RUFY1: variants seen among roughly 807,000 people sequenced by gnomAD.
RUFY1 encodes RUN and FYVE domain-containing protein 1.
A neutral mutation model predicts 94.6 loss-of-function variants in RUFY1; 54 were observed. The ratio of observed to expected loss-of-function variants is 0.57; its 90% CI spans 0.46 to 0.72. The LOEUF is 0.72. Among genes scored for constraint, RUFY1 ranks in the 30% least tolerant of loss-of-function variants. The pLI is 0.00. For synonymous variants in RUFY1, 396 were observed against 347.3 expected (o/e 1.14, Z -1.56); for missense variants, 883 against 883.9 (o/e 1.00, Z 0.01).
At chr5:179,574,981 A>G (rs1660803787) in intron 5 of RUFY1, among the ~76,000 whole-genome samples, 1 of 151,804 alleles carries the variant, frequency 6.6e-6, no homozygotes, top group Admixed American at 6.6e-5. Flanking sequence ...AAGTTAGGCA[A>G]TACCAAAGTA....
At chr5:179,566,121 G>A (rs1265993412) in intron 3 of RUFY1, among the ~76,000 whole-genome samples, 4 of 151,808 alleles carry the variant, frequency 2.6e-5, no homozygotes, top group Non-Finnish European at 5.9e-5. Context: ...ATGGGCGACT[G>A]AGCAAGACCC....
chr5:179,589,713 G>A, intron 9 of RUFY1, 66 bp downstream of exon 9: 1 of 1,220,584 alleles, frequency 8.2e-7, no homozygotes, highest in Non-Finnish European at 1.2e-6. Flanking sequence ...TCAATCTCAA[G>A]CTCATGGCTT....
intron 17 of RUFY1, chr5:179,608,560 ACT>A (rs1767352792): frequency 1.0e-6 from 1 of 985,282 alleles, no homozygotes; most frequent in East Asian, 1.1e-4. Context: ...AACGAACCAG[ACT>A]CTTCCTGTAA....
chr5:179,557,500 C>T (rs376811338), intron 1 of RUFY1, among the ~76,000 whole-genome samples: 6 of 152,140 alleles, frequency 3.9e-5, no homozygotes, highest in African/African-American at 1.4e-4. Context: ...TTGTTTAACC[C>T]AGAATACTCA....
Position 179,609,838 on chromosome 5 carries a change from C to T in RUFY1, c.*319C>T. On this transcript the variant is annotated 3_prime_UTR_variant, in exon 18 of 18. Coordinates refer to ENST00000319449, the MANE Select transcript of RUFY1 (RefSeq NM_025158.5). ...TAACCTATTTTACAGCAGTTCAGTT[C>T]TGCTAGTGAGTAGTTTTCCTCTCCT... is the stretch of plus-strand genomic sequence containing the variant. The T allele has an allele frequency of 8.5e-6, 2 of 234,118 alleles. No homozygotes were observed. Among genetic ancestry groups the T allele is most frequent in the South Asian group, 1.9e-4 (2 of 10,338 alleles). 14.5% of individuals were successfully genotyped at this position (234,118 alleles called of 1,614,324 possible). A position where few individuals can be genotyped will look rare whatever the true frequency, so the allele number is the denominator to read the frequency against.
rs1472225002 is a variant in RUFY1 at position 179,609,359 on chromosome 5, T to G, written c.1984-17T>G. On this transcript the variant is annotated splice_polypyrimidine_tract_variant and intron_variant, in intron 17 of 17. Coordinates refer to ENST00000319449, the MANE Select transcript of RUFY1 (RefSeq NM_025158.5). ...TTTCCCCGGGTGTCCTGTGACCGCC[T>G]TCTTCCCGTCCTGTAGCACCACTGC... 5.0e-6 allele frequency: 8 copies of G among 1,611,870 alleles called. No individual in the cohort carries two copies. Among genetic ancestry groups the G allele is most frequent in the South Asian group, 1.1e-5 (1 of 90,900 alleles).
At chr5:179,602,970 T>C (rs1158273244) in intron 15 of RUFY1, among the ~76,000 whole-genome samples, 2 of 152,166 alleles carry the variant, frequency 1.3e-5, no homozygotes, top group East Asian at 3.9e-4. Flanking sequence ...TAGAGTCTAG[T>C]ACTATTAAGA....
At chr5:179,553,009 T>C (rs920084057) in intron 1 of RUFY1, among the ~76,000 whole-genome samples, 8 of 152,248 alleles carry the variant, frequency 5.3e-5, no homozygotes, top group Admixed American at 3.9e-4. Flanking sequence ...TTGATCACTC[T>C]GGTGGAAAGG....
At chr5:179,577,779 T>G (rs1028270392) in intron 6 of RUFY1, among the ~76,000 whole-genome samples, 2 of 135,610 alleles carry the variant, frequency 1.5e-5, no homozygotes, top group Non-Finnish European at 3.1e-5. Flanking sequence ...GCGGAGGCGG[T>G]GGGAGCGCCG....
At chr5:179,555,464 G>C (rs1762063619) in intron 1 of RUFY1, among the ~76,000 whole-genome samples, 1 of 152,026 alleles carries the variant, frequency 6.6e-6, no homozygotes, top group Non-Finnish European at 1.5e-5. Context: ...CCTCTAACTT[G>C]AGTGCTAATG....
chr5:179,581,092 G>A (rs971783692), intron 7 of RUFY1, 80 bp downstream of exon 7: 31 of 827,174 alleles, frequency 3.7e-5, no homozygotes, highest in Middle Eastern at 2.3e-4. Flanking sequence ...GAGTTGCCAC[G>A]TATTTATAAA....
At chr5:179,588,681 A>G (rs1764804462) in intron 8 of RUFY1, among the ~76,000 whole-genome samples, 1 of 152,278 alleles carries the variant, frequency 6.6e-6, no homozygotes, top group South Asian at 2.1e-4. Flanking sequence ...CCCTTTACTA[A>G]GTGACAACTA....
At chr5:179,606,184 G>A in intron 16 of RUFY1, 2 of 546,226 alleles carry the variant, frequency 3.7e-6, no homozygotes, top group Non-Finnish European at 6.5e-6. Flanking sequence ...GGCCTGATGG[G>A]CATTCCCTAA....
intron 17 of RUFY1, 142 bp from the exon 18 acceptor site, chr5:179,609,234 T>C (rs1460064647): frequency 1.2e-5 from 9 of 730,328 alleles, no homozygotes; most frequent in Non-Finnish European, 1.9e-5. Context: ...AAGACCCTTG[T>C]TTGCACACAG....
At chr5:179,580,443 C>T (rs1056239069) in intron 6 of RUFY1, among the ~76,000 whole-genome samples, 6 of 151,502 alleles carry the variant, frequency 4.0e-5, no homozygotes, top group Non-Finnish European at 5.9e-5. Flanking sequence ...GGGGTTTCAC[C>T]GTGTTAGCCA....
At chr5:179,572,726 C>T (rs1653476138) in intron 5 of RUFY1, 1 of 165,500 alleles carries the variant, frequency 6.0e-6, no homozygotes, top group Admixed American at 6.5e-5. Flanking sequence ...AGGAATACTT[C>T]TTCAAACACA....
chr5:179,597,944 CT>C (rs1328678558), intron 13 of RUFY1, among the ~76,000 whole-genome samples: 2 of 152,088 alleles, frequency 1.3e-5, no homozygotes, highest in Non-Finnish European at 2.9e-5. Context: ...AATCCCAGCA[CT>C]TTTGGGAGGC....
chr5:179,607,819 A>G (rs368728975), intron 17 of RUFY1, among the ~76,000 whole-genome samples, 160 bp downstream of exon 17: 2 of 152,222 alleles, frequency 1.3e-5, no homozygotes, highest in South Asian at 4.1e-4. Flanking sequence ...TTGCCTGTGC[A>G]GATGGCTTTC....
chr5:179,554,096 C>G (rs1030467588), intron 1 of RUFY1, among the ~76,000 whole-genome samples: 1 of 152,196 alleles, frequency 6.6e-6, no homozygotes, highest in Admixed American at 6.5e-5. Flanking sequence ...ACTGATCTGC[C>G]TACACAAGCA....
Sources: allele counts gnomAD v4.1 joint callset (sites outside exome capture counted in the v4.1 genomes callset), GRCh38; gene constraint gnomAD v4.1.1; transcripts MANE v1.5; gene names NCBI Gene and HGNC (gene_info 2026-07-23, HGNC 2026-07-21).